DYM: variants seen among roughly 807,000 people sequenced by gnomAD.
DYM encodes the protein dymeclin, also known as dyggve-Melchior-Clausen syndrome protein.
Under a neutral mutation model 93.1 loss-of-function variants are expected in DYM, and 78 were observed. The observed-to-expected ratio is 0.84, with a 90% CI of 0.70 to 1.01. The LOEUF is 1.01. Ranked by LOEUF, DYM falls within the 50% of genes least tolerant of loss-of-function variation. The pLI is 0.00. For missense variants in DYM, 789 were observed against 845.0 expected, an observed-to-expected ratio of 0.93 and a Z score of 0.82; for synonymous variants, 321 against 319.7, an observed-to-expected ratio of 1.00 and a Z score of -0.04.
At chr18:49,382,767 G>C (rs1367403931) in intron 3 of DYM, among the ~76,000 whole-genome samples, 1 of 152,184 alleles carries the variant, frequency 6.6e-6, no homozygotes, top group Non-Finnish European at 1.5e-5. Context: ...CCTGATGCTA[G>C]AGCTTGAACT....
chr18:49,279,861 CA>C (rs1404537352), intron 10 of DYM, among the ~76,000 whole-genome samples: 1 of 152,178 alleles, frequency 6.6e-6, no homozygotes, highest in Non-Finnish European at 1.5e-5. Flanking sequence ...ACTTTCACCA[CA>C]CTTTTTGTTC....
At chr18:49,083,067 A>G (rs865815629) in intron 17 of DYM, among the ~76,000 whole-genome samples, 36 of 142,010 alleles carry the variant, frequency 2.5e-4, no homozygotes, top group African/African-American at 7.6e-4. Context: ...CCAGTAATAA[A>G]CATTTTAGGC....
chr18:49,430,107 T>C, intron 2 of DYM, 148 bp downstream of exon 2: 1 of 817,332 alleles, frequency 1.2e-6, no homozygotes, highest in Non-Finnish European at 2.0e-6. Context: ...TTTTCTACTT[T>C]CAAATCTTTT....
intron 14 of DYM, among the ~76,000 whole-genome samples, chr18:49,180,869 A>G (rs1009242744): frequency 1.8e-4 from 28 of 152,276 alleles, no homozygotes; most frequent in African/African-American, 5.3e-4. Flanking sequence ...CCCTTAAGAG[A>G]GAACCTATGG....
At chr18:49,047,067 A>T (rs145343184) in intron 17 of DYM, among the ~76,000 whole-genome samples, 2 of 152,294 alleles carry the variant, frequency 1.3e-5, no homozygotes, top group Non-Finnish European at 2.9e-5. Flanking sequence ...GAATTCCTAA[A>T]ACGGAGGGTG....
chr18:49,245,540 A>T (rs943061852), intron 13 of DYM, among the ~76,000 whole-genome samples: 8 of 152,178 alleles, frequency 5.3e-5, no homozygotes, highest in Non-Finnish European at 7.4e-5. Flanking sequence ...GGTTTCCTGC[A>T]GTACCCTCAG....
chr18:49,162,015 C>T (rs1402337533), intron 15 of DYM, among the ~76,000 whole-genome samples: 1 of 152,196 alleles, frequency 6.6e-6, no homozygotes, highest in Non-Finnish European at 1.5e-5. Context: ...TTAGAGCTGT[C>T]CTTATTAGAA....
In DYM at chr18:49,255,395, C is replaced by A. The variant is rs965419998; in HGVS notation, c.1460+1615G>T. On this transcript the variant is annotated intron_variant, in intron 13 of 17. Transcript: ENST00000675505. ...CCTGTCTTTAAAAAAACAAGAAAAG[C>A]CTGGGCGCAGTGGCTCATGCCTGTA... Among the ~76,000 whole-genome samples the A allele has an allele frequency of 2.6e-5, 4 of 151,134 alleles. No individual in the cohort carries two copies. The South Asian group carries it at 6.3e-4, about 24-fold the overall frequency.
At chr18:49,090,916 A>G (rs1317692695) in intron 17 of DYM, among the ~76,000 whole-genome samples, 2 of 152,236 alleles carry the variant, frequency 1.3e-5, no homozygotes, top group African/African-American at 2.4e-5. Context: ...AGGTCTTCAC[A>G]GTAGGGTTTT....
intron 17 of DYM, among the ~76,000 whole-genome samples, chr18:49,052,039 A>G (rs972910841): frequency 5.9e-5 from 9 of 152,224 alleles, no homozygotes; most frequent in Non-Finnish European, 1.0e-4. Context: ...ACCAGCACCT[A>G]AAAGATTCAG....
chr18:49,234,149 A>G (rs983114166), intron 13 of DYM, among the ~76,000 whole-genome samples: 1 of 149,800 alleles, frequency 6.7e-6, no homozygotes, highest in Non-Finnish European at 1.5e-5. Context: ...CAACAACAAC[A>G]AAACTGAAGA....
At chr18:49,451,321 T>C (rs2082498822) in intron 1 of DYM, among the ~76,000 whole-genome samples, 1 of 152,230 alleles carries the variant, frequency 6.6e-6, no homozygotes, top group Non-Finnish European at 1.5e-5. Flanking sequence ...ATGGAAAAAC[T>C]GGCTATTTTA....
chr18:49,430,191 C>T, intron 2 of DYM, 64 bp downstream of exon 2: 1 of 1,510,950 alleles, frequency 6.6e-7, no homozygotes, highest in South Asian at 1.1e-5. Flanking sequence ...TTTTTTTAAT[C>T]AGCATACCAC....
chr18:49,351,743 G>T (rs751144282), intron 6 of DYM, among the ~76,000 whole-genome samples: 30 of 152,158 alleles, frequency 2.0e-4, no homozygotes, highest in Non-Finnish European at 3.7e-4. Context: ...TCATTCAAAG[G>T]TAGACATACA....
chr18:49,054,184 A>C lies in DYM; in HGVS notation c.2026-9980T>G, dbSNP rs139465953. On this transcript the variant is annotated intron_variant, in intron 17 of 17. Coordinates refer to ENST00000675505, the MANE Select transcript of DYM (RefSeq NM_001353214.3). ...AGATAAGCACTGGTCTATGAATAACATCAGCAATGAATGTGGAAAAGTTTC... is the reference window on the plus strand; with the variant it reads ...AGATAAGCACTGGTCTATGAATAACCTCAGCAATGAATGTGGAAAAGTTTC... Among the ~76,000 whole-genome samples, 4 of 152,366 alleles carry C rather than the reference A, an allele frequency of 2.6e-5. No homozygotes were observed. In the East Asian group the frequency reaches 7.7e-4, roughly 29 times the overall value.
chr18:49,039,627 C>T lies in DYM; in HGVS notation c.*4428G>A, dbSNP rs1228997004. Among the ~76,000 whole-genome samples the T allele has an allele frequency of 6.6e-6, 1 of 152,024 alleles. No individual in the cohort carries two copies. Among genetic ancestry groups the T allele is most frequent in the Non-Finnish European group, 1.5e-5 (1 of 68,002 alleles). ...TTACTATATAATTCCTGCTCCCACC[C>T]CTCACCCTCAATTTTTCATCTTACT... On this transcript the variant is annotated 3_prime_UTR_variant, in exon 18 of 18. Transcript: ENST00000675505.
intron 6 of DYM, among the ~76,000 whole-genome samples, chr18:49,336,810 A>G (rs188776679): frequency 6.6e-6 from 1 of 152,348 alleles, no homozygotes; most frequent in East Asian, 1.9e-4. Context: ...AAAGGAAAAA[A>G]ACAAGTAATA....
intron 5 of DYM, among the ~76,000 whole-genome samples, chr18:49,372,693 C>T (rs372225856): frequency 6.6e-6 from 1 of 152,080 alleles, no homozygotes; most frequent in East Asian, 1.9e-4. Flanking sequence ...TGCAGTGAGC[C>T]GAGATTGCAC....
At chr18:49,312,725 T>C (rs112847404) in intron 8 of DYM, among the ~76,000 whole-genome samples, 4 of 152,116 alleles carry the variant, frequency 2.6e-5, no homozygotes, top group African/African-American at 9.7e-5. Flanking sequence ...ACCGGGGGCA[T>C]GTCAGCATGG....
Sources: allele counts gnomAD v4.1 joint callset (sites outside exome capture counted in the v4.1 genomes callset), GRCh38; gene constraint gnomAD v4.1.1; transcripts MANE v1.5; gene names NCBI Gene and HGNC (gene_info 2026-07-23, HGNC 2026-07-21).